PCDHA7: variants seen among roughly 807,000 people sequenced by gnomAD.
The protein encoded by PCDHA7 is protocadherin alpha-7.
In PCDHA7, 37 loss-of-function variants were observed where a neutral mutation model predicts 57.2. The observed-to-expected ratio is 0.65, with a 90% CI of 0.50 to 0.85. The LOEUF (loss-of-function observed/expected upper bound fraction) is 0.85. Among genes scored for constraint, PCDHA7 ranks in the 40% least tolerant of loss-of-function variants. The pLI, the probability that PCDHA7 is intolerant of heterozygous loss-of-function variation, is 0.00. For missense variants in PCDHA7, 1,188 were observed against 1,241.8 expected (o/e 0.96, Z 0.65); for synonymous variants, 553 against 558.8 (o/e 0.99, Z 0.15).
At chr5:140,927,526 G>T in intron 1 of PCDHA7, 3 of 1,614,086 alleles carry the variant, frequency 1.9e-6, no homozygotes, top group Non-Finnish European at 2.5e-6. Flanking sequence ...CGGGCTACCT[G>T]CCCGCTCAGG....
intron 3 of PCDHA7, among the ~76,000 whole-genome samples, chr5:141,005,470 G>T (rs1563690887): frequency 6.6e-6 from 1 of 151,956 alleles, no homozygotes; most frequent in African/African-American, 2.4e-5. Flanking sequence ...TTGGGAGGCC[G>T]AGACGGGCGG....
chr5:140,971,805 T>C (rs938421537), intron 1 of PCDHA7, among the ~76,000 whole-genome samples: 1 of 152,166 alleles, frequency 6.6e-6, no homozygotes, highest in Non-Finnish European at 1.5e-5. Flanking sequence ...AATATTATAA[T>C]ATTGAATACA....
At position 140,850,229 on chromosome 5, in the gene PCDHA7, C is replaced by G. The variant is rs2150474580; in HGVS notation, c.2355+13491C>G. ...TGAGGGGCACTGACGGCGCAGTGAGCGAGATGGTGCTGCGGTCGGTGGGCG... is the reference window on the plus strand; with the variant it reads ...TGAGGGGCACTGACGGCGCAGTGAGGGAGATGGTGCTGCGGTCGGTGGGCG... On this transcript the variant is annotated intron_variant, in intron 1 of 3. Transcript: ENST00000525929. The G allele has an allele frequency of 9.4e-6, 15 of 1,593,582 alleles. No individual in the cohort carries two copies. In the East Asian group the frequency reaches 3.3e-4, roughly 36 times the overall value.
intron 1 of PCDHA7, among the ~76,000 whole-genome samples, chr5:140,965,342 G>T (rs2095891598): frequency 6.6e-6 from 1 of 152,130 alleles, no homozygotes; most frequent in South Asian, 2.1e-4. Context: ...TTGTCTCTGT[G>T]TTGCCTCTAT....
intron 1 of PCDHA7, among the ~76,000 whole-genome samples, chr5:140,881,132 T>C (rs1215831856): frequency 1.3e-5 from 2 of 152,218 alleles, no homozygotes; most frequent in African/African-American, 4.8e-5. Flanking sequence ...TTGGTAGAGA[T>C]AGTTATAACA....
intron 1 of PCDHA7, among the ~76,000 whole-genome samples, chr5:140,898,521 AGGG>A (rs1583310812): frequency 6.6e-6 from 1 of 152,252 alleles, no homozygotes; most frequent in East Asian, 1.9e-4. Context: ...GTTATTTCTG[AGGG>A]CTCTGTTCTG....
rs148596731 is a variant in PCDHA7 at position 141,000,361 on chromosome 5, GTCTCTCTCTCTC to G, written c.2504-9242_2504-9231del. Among the ~76,000 whole-genome samples, 60 of 26,440 alleles carry G rather than the reference GTCTCTCTCTCTC, an allele frequency of 2.3e-3. 1 individual carries two copies. Among genetic ancestry groups the G allele is most frequent in the Admixed American group, 5.8e-3 (10 of 1,730 alleles). The allele number at this position is 26,440 out of a possible 152,430, so 17.3% of individuals were successfully genotyped here. On this transcript the variant is annotated intron_variant, in intron 3 of 3. Transcript: ENST00000525929. ...CCTATCTCTCTCTCTGTCTCTCTCT[GTCTCTCTCTCTC>G]TCTCTCTCTCTCTCTCTCTCTCTAT...
At chr5:140,849,237 A>G (rs1450217299) in intron 1 of PCDHA7, 1 of 1,052,122 alleles carries the variant, frequency 9.5e-7, no homozygotes, top group Non-Finnish European at 1.3e-6. Flanking sequence ...AACCCTGTAT[A>G]CGGTGAAATT....
intron 1 of PCDHA7, chr5:140,969,021 C>T (rs2096289420): frequency 8.1e-6 from 13 of 1,614,146 alleles, no homozygotes; most frequent in Non-Finnish European, 1.1e-5. Context: ...AGGGAAAGGT[C>T]CCCTGCAGAA....
At chr5:140,920,501 A>G (rs1404369467) in intron 1 of PCDHA7, among the ~76,000 whole-genome samples, 1 of 152,194 alleles carries the variant, frequency 6.6e-6, no homozygotes, top group Non-Finnish European at 1.5e-5. Context: ...AGAGTTCTAC[A>G]TACTGTTTTA....
chr5:140,839,620 G>T (rs1299548975), intron 1 of PCDHA7, among the ~76,000 whole-genome samples: 2 of 151,980 alleles, frequency 1.3e-5, no homozygotes, highest in Non-Finnish European at 2.9e-5. Flanking sequence ...AAACTCCTGA[G>T]ATATCGAGAA....
At chr5:140,888,613 A>C (rs782529480) in intron 1 of PCDHA7, among the ~76,000 whole-genome samples, 4 of 152,184 alleles carry the variant, frequency 2.6e-5, no homozygotes, top group Non-Finnish European at 5.9e-5. Flanking sequence ...TTAGTGTAGC[A>C]CTAATTCGGC....
At position 140,834,619 on chromosome 5, in the gene PCDHA7, T is replaced by C; in HGVS notation, c.236T>C (p.Leu79Pro). The part of the protein sequence containing the change: ...KFRGDLLEVN[L>P]QNGILFVNSR... ...CGTGGGGATCTTCTGGAGGTAAATC[T>C]GCAGAATGGCATTTTGTTTGTGAAT... The change falls in exon 1 of 4, where the codon CTG becomes CCG. Residue 79 changes from leucine to proline, a missense_variant. Transcript: ENST00000525929. 1 of 1,614,188 alleles carries C rather than the reference T, an allele frequency of 6.2e-7. No individual in the cohort carries two copies. The highest frequency in any genetic ancestry group is 8.5e-7 in the Non-Finnish European group (1 of 1,180,024).
In PCDHA7 at chr5:140,953,934, C is replaced by T. The variant is rs2094953906; in HGVS notation, c.2356-25015C>T. 2.6e-5 allele frequency among the ~76,000 whole-genome samples: 4 copies of T among 152,200 alleles called. No homozygotes were observed. The South Asian group carries it at 8.3e-4, about 32-fold the overall frequency. On this transcript the variant is annotated intron_variant, in intron 1 of 3. Transcript: ENST00000525929. ...TTAGGTATTCTTCCTGATGCTCTCC[C>T]TCCCATTGCTCCCCCAACAGGCCCC...
At chr5:140,888,796 T>C (rs1158691492) in intron 1 of PCDHA7, among the ~76,000 whole-genome samples, 1 of 152,008 alleles carries the variant, frequency 6.6e-6, no homozygotes, top group East Asian at 1.9e-4. Context: ...TCTGGGGAGG[T>C]TGATCAGTGA....
Position 140,836,117 on chromosome 5 carries a change from A to G in PCDHA7, c.1734A>G (p.Arg578=), listed in dbSNP as rs1254092346. The G allele has an allele frequency of 3.1e-6, 5 of 1,613,532 alleles. No homozygotes were observed. In the Admixed American group the frequency reaches 5.0e-5, roughly 16 times the overall value. Residue 578 remains arginine, a synonymous_variant, in exon 1 of 4, where the codon AGA becomes AGG. Transcript: ENST00000525929. ...PRVGGTGGAV[R]ELVPRSVGAG... ...TGGGTGGCACTGGTGGCGCAGTGAG[A>G]GAGCTTGTGCCGCGGTCTGTGGGCG...
intron 1 of PCDHA7, among the ~76,000 whole-genome samples, chr5:140,900,565 C>T (rs368765128): frequency 1.2e-4 from 19 of 152,248 alleles, no homozygotes; most frequent in South Asian, 1.2e-3. Context: ...GCGTGAGCCA[C>T]GGCACCGGCC....
intron 3 of PCDHA7, among the ~76,000 whole-genome samples, chr5:140,985,205 G>C (rs1554246849): frequency 6.6e-6 from 1 of 152,092 alleles, no homozygotes; most frequent in African/African-American, 2.4e-5. Flanking sequence ...CCAAAGTGTT[G>C]GGATTACAGG....
chr5:140,844,531 T>C (rs1779420037), intron 1 of PCDHA7, among the ~76,000 whole-genome samples: 1 of 149,526 alleles, frequency 6.7e-6, no homozygotes, highest in African/African-American at 2.4e-5. Context: ...ACTCTAATCA[T>C]TCAACCCTTT....
Sources: allele counts gnomAD v4.1 joint callset (sites outside exome capture counted in the v4.1 genomes callset), GRCh38; gene constraint gnomAD v4.1.1; transcripts MANE v1.5; gene names NCBI Gene and HGNC (gene_info 2026-07-23, HGNC 2026-07-21).